SEC22C: variants seen among roughly 807,000 people sequenced by gnomAD.
The protein encoded by SEC22C is SEC22 homolog C, vesicle trafficking protein.
Under a neutral mutation model 34.7 loss-of-function variants are expected in SEC22C, and 29 were observed. The ratio of observed to expected loss-of-function variants is 0.84; its 90% CI spans 0.62 to 1.14. SEC22C has a LOEUF of 1.14. Ranked by LOEUF, SEC22C falls within the 50% of genes most tolerant of loss-of-function variation. The probability of loss-of-function intolerance (pLI) is 0.00; values close to 1 mark genes in which losing one functional copy is unlikely to be tolerated. For missense variants in SEC22C, 337 were observed against 369.0 expected (o/e 0.91, Z 0.71); for synonymous variants, 117 against 132.8 (o/e 0.88, Z 0.82).
intron 3 of SEC22C, among the ~76,000 whole-genome samples, chr3:42,562,636 C>T (rs1702992932): frequency 6.6e-6 from 1 of 152,202 alleles, no homozygotes; most frequent in Non-Finnish European, 1.5e-5. Context: ...ACAAATGCTG[C>T]CAAACCTTTG....
chr3:42,598,634 G>A (rs1705114209), intron 1 of SEC22C, among the ~76,000 whole-genome samples: 1 of 151,870 alleles, frequency 6.6e-6, no homozygotes, highest in African/African-American at 2.4e-5. Flanking sequence ...TAGCCTACAA[G>A]AACAAATATT....
chr3:42,588,142 G>T (rs926368115), intron 1 of SEC22C, among the ~76,000 whole-genome samples: 1 of 151,740 alleles, frequency 6.6e-6, no homozygotes, highest in Non-Finnish European at 1.5e-5. Flanking sequence ...GGTGGCTCAC[G>T]CCTGTAATCC....
intron 2 of SEC22C, chr3:42,564,261 A>C: frequency 4.8e-6 from 1 of 207,224 alleles, no homozygotes; most frequent in Non-Finnish European, 9.8e-6. Flanking sequence ...TTCTTTTTCT[A>C]CTCCCTTTTG....
intron 2 of SEC22C, chr3:42,566,982 T>C (rs1703287857): frequency 1.1e-5 from 2 of 183,266 alleles, no homozygotes; most frequent in South Asian, 1.6e-4. Flanking sequence ...GGTGTGAACA[T>C]GGCTCACTGT....
intron 1 of SEC22C, among the ~76,000 whole-genome samples, chr3:42,572,592 G>A (rs1703713153): frequency 6.6e-6 from 1 of 152,196 alleles, no homozygotes; most frequent in Admixed American, 6.5e-5. Flanking sequence ...GTTAACAGAG[G>A]CCACGTAGGG....
At chr3:42,568,662 A>G (rs895515995) in intron 2 of SEC22C, among the ~76,000 whole-genome samples, 10 of 151,650 alleles carry the variant, frequency 6.6e-5, no homozygotes, top group Non-Finnish European at 1.3e-4. Context: ...AAAAAAAAAA[A>G]AAAAAAGTTG....
intron 1 of SEC22C, among the ~76,000 whole-genome samples, chr3:42,592,031 G>A (rs887468173): frequency 6.6e-6 from 1 of 152,112 alleles, no homozygotes; most frequent in African/African-American, 2.4e-5. Flanking sequence ...CTTCCCGTCA[G>A]TCTGTTAGTG....
Position 42,549,307 on chromosome 3 carries a change from C to T in SEC22C, c.*3941G>A, listed in dbSNP as rs998182136. The T allele has an allele frequency of 1.2e-5, 12 of 985,574 alleles. No individual in the cohort carries two copies. The highest frequency in any genetic ancestry group is 1.3e-5 in the Non-Finnish European group (11 of 830,126). The allele number at this position is 985,574 out of a possible 1,614,324, so 61.1% of individuals were successfully genotyped here. A position where few individuals can be genotyped will look rare whatever the true frequency, so the allele number is the denominator to read the frequency against. On this transcript the variant is annotated 3_prime_UTR_variant, in exon 7 of 7. Coordinates refer to ENST00000264454, the MANE Select transcript of SEC22C (RefSeq NM_032970.4). The stretch of plus-strand genomic sequence containing the variant: ...ACTTGTGCTGCACTATGCAAGCAAG[C>T]AGCAGGTTCTCAGAAGGCCACTGTC...
chr3:42,584,391 A>G (rs189517182), upstream of SEC22C, among the ~76,000 whole-genome samples: 62 of 152,296 alleles, frequency 4.1e-4, no homozygotes, highest in African/African-American at 1.5e-3. Context: ...AGTAGCTGGG[A>G]TTACAAGCAT....
intron 2 of SEC22C, among the ~76,000 whole-genome samples, chr3:42,565,610 C>A (rs1703186287): frequency 6.6e-6 from 1 of 152,118 alleles, no homozygotes; most frequent in Admixed American, 6.5e-5. Context: ...GAAATTTGGA[C>A]ACAGAGACAG....
chr3:42,565,071 T>C (rs192582744), intron 2 of SEC22C, among the ~76,000 whole-genome samples: 9 of 152,264 alleles, frequency 5.9e-5, no homozygotes, highest in Non-Finnish European at 1.0e-4. Context: ...AGGGTCTTGT[T>C]CTGACACTCC....
chr3:42,564,089 T>G, intron 2 of SEC22C: 1 of 445,830 alleles, frequency 2.2e-6, no homozygotes, highest in East Asian at 7.3e-5. Flanking sequence ...TCCTACATAT[T>G]CATAAACATA....
intron 1 of SEC22C, chr3:42,591,234 C>G (rs1228963845): frequency 1.7e-6 from 1 of 574,214 alleles, no homozygotes; most frequent in African/African-American, 2.0e-5. Context: ...GAGTCCCGCT[C>G]TGTCGCCCAG....
chr3:42,600,176 A>G (rs900983912), intron 1 of SEC22C, among the ~76,000 whole-genome samples: 20 of 152,222 alleles, frequency 1.3e-4, no homozygotes, highest in African/African-American at 4.6e-4. Context: ...CAGTAAGCAC[A>G]GGACAAAAAC....
chr3:42,563,961 A>C (rs1703084860), intron 2 of SEC22C: 1 of 1,336,048 alleles, frequency 7.5e-7, no homozygotes. Context: ...TGGGGGAATT[A>C]GCCTCAGACT....
At position 42,551,653 on chromosome 3, in the gene SEC22C, T is replaced by C. The variant is rs1449175559; in HGVS notation, c.*1595A>G. On this transcript the variant is annotated 3_prime_UTR_variant, in exon 7 of 7. Coordinates refer to ENST00000264454, the MANE Select transcript of SEC22C (RefSeq NM_032970.4). ...ATGCCTGGCCCATATCCAAATATTTTATGTTTGGTCAAAAATAGAAAATTC... is the reference window on the plus strand; with the variant it reads ...ATGCCTGGCCCATATCCAAATATTTCATGTTTGGTCAAAAATAGAAAATTC... 1 of 957,646 alleles carries C rather than the reference T, an allele frequency of 1.0e-6. No homozygotes were observed. Among genetic ancestry groups the C allele is most frequent in the Non-Finnish European group, 1.2e-6 (1 of 804,686 alleles). The allele number at this position is 957,646 out of a possible 1,614,324, so 59.3% of individuals were successfully genotyped here. A position where few individuals can be genotyped will look rare whatever the true frequency, so the allele number is the denominator to read the frequency against.
At chr3:42,578,539 TAC>T (rs66708395) in intron 1 of SEC22C, among the ~76,000 whole-genome samples, 7,751 of 146,396 alleles carry the variant, frequency 0.053, 391 homozygotes, top group East Asian at 0.14. Context: ...GTGACAGTAC[TAC>T]ACACACACAC....
At chr3:42,559,877 CTG>C (rs1702766940) in intron 4 of SEC22C, among the ~76,000 whole-genome samples, 1 of 151,974 alleles carries the variant, frequency 6.6e-6, no homozygotes, top group African/African-American at 2.4e-5. Flanking sequence ...TATCAGCACA[CTG>C]TGATCACGTT....
In SEC22C at chr3:42,550,867, ACTT is replaced by A; in HGVS notation, c.*2378_*2380del. ...GTCCATTTTTAAGCCGTTCTTACCG[ACTT>A]TTTTTTTTTTTTTTTTTGAGACGGA... On this transcript the variant is annotated 3_prime_UTR_variant, in exon 7 of 7. Coordinates refer to ENST00000264454, the MANE Select transcript of SEC22C (RefSeq NM_032970.4). The A allele has an allele frequency of 1.1e-6, 1 of 951,694 alleles. No homozygotes were observed. The highest frequency in any genetic ancestry group is 5.0e-5 in the South Asian group (1 of 20,006). 59.0% of individuals were successfully genotyped at this position (951,694 alleles called of 1,614,324 possible).
Sources: gnomAD v4.1 joint callset for allele counts (sites outside exome capture counted in the v4.1 genomes callset) on GRCh38, gnomAD v4.1.1 for gene constraint, MANE v1.5 for transcripts, NCBI Gene and HGNC (gene_info 2026-07-23, HGNC 2026-07-21) for gene names.